AGBL4: variants seen among roughly 807,000 people sequenced by gnomAD.
AGBL4 encodes cytosolic carboxypeptidase 6.
AGBL4 carries 58 observed loss-of-function variants against 66.4 expected under a neutral mutation model. The ratio of observed to expected loss-of-function variants is 0.87; its 90% confidence interval spans 0.71 to 1.09. The LOEUF is 1.09. Ranked by LOEUF, AGBL4 falls within the 50% of genes least tolerant of loss-of-function variation. AGBL4 has a pLI of 0.00. For synonymous variants in AGBL4, 234 were observed against 222.9 expected (o/e 1.05, Z -0.44); for missense variants, 579 against 631.0 (o/e 0.92, Z 0.88).
chr1:49,072,029 G>C (rs1010588038), intron 4 of AGBL4, among the ~76,000 whole-genome samples: 3 of 151,998 alleles, frequency 2.0e-5, no homozygotes, highest in African/African-American at 7.2e-5. Flanking sequence ...GGTCTTTGTT[G>C]GTTTAAAGTC....
chr1:48,777,076 G>A (rs11589728), intron 6 of AGBL4: 18,195 of 308,582 alleles, frequency 0.059, 1,449 homozygotes, highest in East Asian at 0.21. Context: ...GATGAGGGGG[G>A]TTTGGAAGCG....
chr1:49,208,653 T>C (rs1310430409), intron 4 of AGBL4, among the ~76,000 whole-genome samples: 1 of 152,098 alleles, frequency 6.6e-6, no homozygotes, highest in Non-Finnish European at 1.5e-5. Flanking sequence ...CTTTATCTTC[T>C]CACCTTACCA....
chr1:49,971,332 T>G (rs1196718760), intron 1 of AGBL4, among the ~76,000 whole-genome samples: 1 of 152,222 alleles, frequency 6.6e-6, no homozygotes, highest in Non-Finnish European at 1.5e-5. Context: ...TTAGTAGTTA[T>G]CTCAGTTATC....
intron 3 of AGBL4, among the ~76,000 whole-genome samples, chr1:49,662,550 C>CTTTGTG (rs1646290388): frequency 2.0e-5 from 3 of 152,076 alleles, no homozygotes; most frequent in Non-Finnish European, 4.4e-5. Flanking sequence ...GCTGTGCCAC[C>CTTTGTG]TGAAATAGCA....
intron 6 of AGBL4, among the ~76,000 whole-genome samples, chr1:48,721,872 T>A (rs1252463083): frequency 6.6e-6 from 1 of 152,238 alleles, no homozygotes; most frequent in Non-Finnish European, 1.5e-5. Context: ...CTCTGACTTT[T>A]GTCATTTATT....
intron 4 of AGBL4, among the ~76,000 whole-genome samples, chr1:49,126,860 C>T (rs1645775355): frequency 6.6e-6 from 1 of 152,038 alleles, no homozygotes; most frequent in Non-Finnish European, 1.5e-5. Flanking sequence ...AAATACAGTA[C>T]AAAGCTTAGC....
intron 1 of AGBL4, among the ~76,000 whole-genome samples, chr1:49,956,786 T>G (rs1415680285): frequency 1.3e-5 from 2 of 151,936 alleles, no homozygotes; most frequent in African/African-American, 4.8e-5. Flanking sequence ...TTGGATCAAT[T>G]AATGACTTTT....
At chr1:49,404,424 A>G (rs2148616566) in intron 3 of AGBL4, among the ~76,000 whole-genome samples, 1 of 152,292 alleles carries the variant, frequency 6.6e-6, no homozygotes, top group East Asian at 1.9e-4. Flanking sequence ...CTGTGAGAAC[A>G]TAAATTTCTG....
At chr1:49,990,816 G>A (rs531918257) in intron 1 of AGBL4, among the ~76,000 whole-genome samples, 47 of 152,294 alleles carry the variant, frequency 3.1e-4, no homozygotes, top group Admixed American at 9.8e-4. Flanking sequence ...GATTAAATAA[G>A]TTTCAGAAAT....
chr1:49,209,370 C>T (rs551660763), intron 4 of AGBL4, among the ~76,000 whole-genome samples: 1 of 152,120 alleles, frequency 6.6e-6, no homozygotes, highest in South Asian at 2.1e-4. Flanking sequence ...TCTGCTGGAC[C>T]TCTGTCAACA....
intron 8 of AGBL4, 86 bp from the exon 9 acceptor site, chr1:48,634,690 T>G (rs1570081739): frequency 1.2e-6 from 1 of 867,428 alleles, no homozygotes; most frequent in East Asian, 2.8e-5. Context: ...GTAGGAGCAG[T>G]GATTATGTCA....
chr1:48,934,277 G>C (rs1655274186), intron 5 of AGBL4, among the ~76,000 whole-genome samples: 1 of 152,112 alleles, frequency 6.6e-6, no homozygotes, highest in Non-Finnish European at 1.5e-5. Flanking sequence ...TCATCAGGAT[G>C]TATCCCAAGG....
chr1:49,402,338 G>A (rs919209683), intron 3 of AGBL4, among the ~76,000 whole-genome samples: 1 of 152,012 alleles, frequency 6.6e-6, no homozygotes, highest in Non-Finnish European at 1.5e-5. Flanking sequence ...ACTTCACACA[G>A]CTTTTGCTGT....
chr1:49,188,017 GCT>G, intron 4 of AGBL4, among the ~76,000 whole-genome samples: 1 of 152,214 alleles, frequency 6.6e-6, no homozygotes, highest in East Asian at 1.9e-4. Flanking sequence ...CCCTGCACAT[GCT>G]CTCTCTTTAT....
chr1:48,554,981 C>T (rs1437207191), intron 11 of AGBL4, among the ~76,000 whole-genome samples: 2 of 152,106 alleles, frequency 1.3e-5, no homozygotes, highest in Non-Finnish European at 2.9e-5. Context: ...GTGCCAGACG[C>T]TATGGGTTTG....
At chr1:49,154,811 T>C (rs1347752373) in intron 4 of AGBL4, among the ~76,000 whole-genome samples, 6 of 152,090 alleles carry the variant, frequency 3.9e-5, no homozygotes, top group African/African-American at 1.5e-4. Flanking sequence ...AAATTAGTTA[T>C]TTGTAGCTGA....
intron 1 of AGBL4, among the ~76,000 whole-genome samples, chr1:49,920,714 C>T (rs1652135244): frequency 6.6e-6 from 1 of 152,160 alleles, no homozygotes; most frequent in African/African-American, 2.4e-5. Flanking sequence ...CTAGAAATAC[C>T]ATTTGACCCA....
At chr1:49,213,399 T>C (rs185819100) in intron 4 of AGBL4, among the ~76,000 whole-genome samples, 1 of 152,068 alleles carries the variant, frequency 6.6e-6, no homozygotes, top group East Asian at 1.9e-4. Context: ...GTGGGAGATG[T>C]TTGGGTCATG....
chr1:49,236,690 G>A (rs1403012822), intron 4 of AGBL4, among the ~76,000 whole-genome samples: 1 of 151,942 alleles, frequency 6.6e-6, no homozygotes, highest in South Asian at 2.1e-4. Flanking sequence ...AATTTACATT[G>A]TTACAATATG....
Sources: gnomAD v4.1 joint callset for allele counts (sites outside exome capture counted in the v4.1 genomes callset) on GRCh38, gnomAD v4.1.1 for gene constraint, MANE v1.5 for transcripts, NCBI Gene and HGNC (gene_info 2026-07-23, HGNC 2026-07-21) for gene names.